The following STARD13 variants were observed in gnomAD, a reference collection of about 807,000 sequenced individuals.
The protein encoded by STARD13 is stAR-related lipid transfer protein 13.
STARD13 carries 62 observed loss-of-function variants against 106.4 expected under a neutral mutation model. The observed-to-expected ratio is 0.58, with a 90% CI of 0.48 to 0.72. The LOEUF is 0.72. Among genes scored for constraint, STARD13 ranks in the 30% least tolerant of loss-of-function variants. STARD13 has a pLI of 0.00. For synonymous variants in STARD13, 565 were observed against 553.0 expected, an observed-to-expected ratio of 1.02 and a Z score of -0.31; for missense variants, 1,387 against 1,424.0, an observed-to-expected ratio of 0.97 and a Z score of 0.42.
rs567566013 is a variant in STARD13, at chr13:33,235,929, A to C, written c.169+49541T>G. On this transcript the variant is annotated intron_variant, in intron 1 of 13. Transcript: ENST00000336934. The stretch of plus-strand genomic sequence containing the variant: ...GATGTTCCGTTGGTAAATGAACATC[A>C]GGCTAATCTCACAGTTTGAATGAGA... Among the ~76,000 whole-genome samples the C allele has an allele frequency of 5.3e-5, 8 of 152,370 alleles. No individual in the cohort carries two copies. In the South Asian group the frequency reaches 1.4e-3, roughly 28 times the overall value.
At chr13:33,641,495 C>T in the STARD13 span, among the ~76,000 whole-genome samples, 19 of 152,114 alleles carry the variant, frequency 1.2e-4, no homozygotes, top group Non-Finnish European at 2.6e-4. Context: ...TTCTATGACC[C>T]ACCTTGGGGA....
chr13:33,209,567 A>AGGACAGAT (rs1201433453), intron 1 of STARD13, among the ~76,000 whole-genome samples: 25 of 152,282 alleles, frequency 1.6e-4, no homozygotes, highest in African/African-American at 5.8e-4. Context: ...AACAACAATT[A>AGGACAGAT]GGACAGATCT....
chr13:33,388,895 C>G, the STARD13 span, among the ~76,000 whole-genome samples: 2 of 151,688 alleles, frequency 1.3e-5, no homozygotes, highest in Non-Finnish European at 2.9e-5. Context: ...CCTAGTACCT[C>G]GCTGACTCTT....
the STARD13 span, among the ~76,000 whole-genome samples, chr13:33,488,991 C>T: frequency 1.3e-5 from 2 of 152,348 alleles, no homozygotes; most frequent in Non-Finnish European, 2.9e-5. Flanking sequence ...TGAACACACC[C>T]TGCTGACTGG....
chr13:33,350,246 G>C, intron 1 of STARD13: 1 of 1,501,826 alleles, frequency 6.7e-7, no homozygotes. Flanking sequence ...CGGGGCCGGC[G>C]CCTCCCCCGC....
the STARD13 span, among the ~76,000 whole-genome samples, chr13:33,498,238 A>G: frequency 2.0e-5 from 3 of 152,350 alleles, no homozygotes; most frequent in East Asian, 3.9e-4. Flanking sequence ...ACCTTCAATT[A>G]TAAGAACTTG....
the STARD13 span, among the ~76,000 whole-genome samples, chr13:33,453,266 T>A: frequency 6.6e-6 from 1 of 152,264 alleles, no homozygotes; most frequent in Admixed American, 6.5e-5. Context: ...CTATGCTTCA[T>A]AAGCCTCATG....
the STARD13 span, among the ~76,000 whole-genome samples, chr13:33,663,679 C>G: frequency 6.6e-6 from 1 of 152,156 alleles, no homozygotes; most frequent in Non-Finnish European, 1.5e-5. Flanking sequence ...TTGTGTTTTA[C>G]TGTTTTCTAC....
intron 3 of STARD13, among the ~76,000 whole-genome samples, chr13:33,144,596 T>G (rs921197211): frequency 6.6e-6 from 1 of 152,236 alleles, no homozygotes; most frequent in African/African-American, 2.4e-5. Flanking sequence ...TTCATTAGTG[T>G]CAGATATAGC....
chr13:33,386,570 C>T, the STARD13 span, among the ~76,000 whole-genome samples: 110 of 152,146 alleles, frequency 7.2e-4, no homozygotes, highest in African/African-American at 2.2e-3. Context: ...CTGGGGGGGT[C>T]GACGTGCAGC....
At chr13:33,585,719 T>A in the STARD13 span, among the ~76,000 whole-genome samples, 2 of 152,206 alleles carry the variant, frequency 1.3e-5, no homozygotes, top group Admixed American at 1.3e-4. Flanking sequence ...GTAGTATACA[T>A]ATATACATAC....
intron 1 of STARD13, among the ~76,000 whole-genome samples, chr13:33,230,879 A>G (rs553022540): frequency 6.6e-6 from 1 of 152,384 alleles, no homozygotes; most frequent in East Asian, 1.9e-4. Flanking sequence ...GAACCTGGTG[A>G]AGGAAGCAGA....
chr13:33,158,740 G>C (rs898161041), intron 3 of STARD13: 2 of 152,158 alleles, frequency 1.3e-5, no homozygotes, highest in African/African-American at 4.8e-5. Flanking sequence ...AGTTTTAAAA[G>C]TGCTGCCGTT....
chr13:33,348,953 T>G (rs899609427), exon 2 of STARD13: 1 of 579,066 alleles, frequency 1.7e-6, no homozygotes, highest in South Asian at 2.1e-5. Context: ...CTAGTGACCT[T>G]CTCTCAAGGT....
At chr13:33,156,783 C>T (rs1158416681) in intron 3 of STARD13, among the ~76,000 whole-genome samples, 1 of 152,138 alleles carries the variant, frequency 6.6e-6, no homozygotes, top group East Asian at 1.9e-4. Flanking sequence ...AAATGCAGTG[C>T]CTGGTATATA....
chr13:33,559,456 C>T, the STARD13 span, among the ~76,000 whole-genome samples: 1 of 151,556 alleles, frequency 6.6e-6, no homozygotes, highest in Non-Finnish European at 1.5e-5. Flanking sequence ...TATAGAAGCC[C>T]TAACTCCCAA....
chr13:33,170,833 C>T (rs1487789033), intron 1 of STARD13, among the ~76,000 whole-genome samples: 1 of 152,154 alleles, frequency 6.6e-6, no homozygotes, highest in Admixed American at 6.5e-5. Context: ...CAGCTAGTGA[C>T]AAAACAAGCA....
At chr13:33,124,612 G>T (rs1381523984) in intron 7 of STARD13, among the ~76,000 whole-genome samples, 1 of 152,094 alleles carries the variant, frequency 6.6e-6, no homozygotes, top group East Asian at 1.9e-4. Context: ...TAACAGCAAT[G>T]ATATTGGCAC....
At chr13:33,656,227 A>G in the STARD13 span, among the ~76,000 whole-genome samples, 2 of 152,264 alleles carry the variant, frequency 1.3e-5, no homozygotes. Flanking sequence ...CGTGCTAGAA[A>G]TAGTCATTGG....
Sources: gnomAD v4.1 joint callset for allele counts (sites outside exome capture counted in the v4.1 genomes callset) on GRCh38, gnomAD v4.1.1 for gene constraint, MANE v1.5 for transcripts, NCBI Gene and HGNC (gene_info 2026-07-23, HGNC 2026-07-21) for gene names.